SERGEF: variants seen among roughly 807,000 people sequenced by gnomAD.
The protein encoded by SERGEF is secretion-regulating guanine nucleotide exchange factor.
A neutral mutation model predicts 50.0 loss-of-function variants in SERGEF; 51 were observed. The ratio of observed to expected loss-of-function variants is 1.02; its 90% CI spans 0.81 to 1.29. The LOEUF is 1.29. SERGEF is among the 50% of genes most tolerant of loss of function. The pLI is 0.00. For synonymous variants in SERGEF, 205 were observed against 212.4 expected (o/e 0.97, Z 0.30); for missense variants, 521 against 557.0 (o/e 0.94, Z 0.65).
intron 10 of SERGEF, among the ~76,000 whole-genome samples, chr11:17,831,987 T>G (rs1850316509): frequency 6.6e-6 from 1 of 152,214 alleles, no homozygotes; most frequent in Non-Finnish European, 1.5e-5. Context: ...AGAGCATAGG[T>G]TTCATCACAG....
intron 10 of SERGEF, among the ~76,000 whole-genome samples, chr11:17,798,761 C>T (rs1463301863): frequency 1.3e-5 from 2 of 152,252 alleles, no homozygotes; most frequent in African/African-American, 2.4e-5. Flanking sequence ...GAGAAACTAA[C>T]CCTCTTGAGG....
chr11:17,946,871 A>G (rs1462258346), intron 9 of SERGEF, among the ~76,000 whole-genome samples: 1 of 152,188 alleles, frequency 6.6e-6, no homozygotes, highest in Non-Finnish European at 1.5e-5. Context: ...CAACCAATAC[A>G]GCTATCTCAT....
chr11:17,944,495 C>A (rs1427663759), intron 9 of SERGEF, among the ~76,000 whole-genome samples: 1 of 152,214 alleles, frequency 6.6e-6, no homozygotes, highest in Non-Finnish European at 1.5e-5. Context: ...TCTTTAGAAT[C>A]TTTCAACCTG....
At chr11:17,940,391 T>C (rs1852539057) in intron 9 of SERGEF, among the ~76,000 whole-genome samples, 1 of 152,152 alleles carries the variant, frequency 6.6e-6, no homozygotes, top group Non-Finnish European at 1.5e-5. Flanking sequence ...TGAGTTCCAG[T>C]GACCGCATCC....
chr11:17,843,011 CA>C (rs1175037522), intron 10 of SERGEF, among the ~76,000 whole-genome samples: 1 of 152,206 alleles, frequency 6.6e-6, no homozygotes, highest in Non-Finnish European at 1.5e-5. Flanking sequence ...ATCAAGCCTG[CA>C]TAAGGATCCC....
At chr11:17,934,847 C>T (rs571555257) in intron 9 of SERGEF, among the ~76,000 whole-genome samples, 34 of 152,318 alleles carry the variant, frequency 2.2e-4, no homozygotes, top group African/African-American at 7.7e-4. Context: ...CCTAATACCA[C>T]GTCACATCTT....
intron 9 of SERGEF, among the ~76,000 whole-genome samples, chr11:17,935,032 C>T (rs1914710): frequency 0.46 from 69,748 of 151,936 alleles, 17,838 homozygotes; most frequent in Middle Eastern, 0.64. Flanking sequence ...ACAAAGGAAA[C>T]CTGCCAGTAG....
In SERGEF at chr11:17,991,852, C is replaced by A. The variant is rs1418050662; in HGVS notation, c.685+1079G>T. Reference sequence around the variant, plus strand: ...CATTAATTTACATATATTATGGGCACACCTGAATTTCCACATAAAACACTA... The same window carrying A: ...CATTAATTTACATATATTATGGGCAAACCTGAATTTCCACATAAAACACTA... On this transcript the variant is annotated intron_variant, in intron 7 of 10. Transcript: ENST00000265965. The surrounding 1 kb of genome is among the most constrained non-coding windows in gnomAD (Gnocchi z 4.9). Among the ~76,000 whole-genome samples the A allele has an allele frequency of 6.6e-6, 1 of 152,208 alleles. No homozygotes were observed. The highest frequency in any genetic ancestry group is 1.5e-5 in the Non-Finnish European group (1 of 68,034).
intron 1 of SERGEF, 186 bp downstream of exon 1, chr11:18,012,765 A>ACCC: frequency 7.0e-7 from 1 of 1,432,252 alleles, no homozygotes; most frequent in South Asian, 1.3e-5. Flanking sequence ...GACCGCGAAG[A>ACCC]CCCTTCCTTC....
intron 8 of SERGEF, among the ~76,000 whole-genome samples, chr11:17,984,863 G>A (rs1454292313): frequency 2.0e-5 from 3 of 152,146 alleles, no homozygotes; most frequent in African/African-American, 4.8e-5. Context: ...GCCAGATGCT[G>A]GGGATATGGC....
intron 9 of SERGEF, among the ~76,000 whole-genome samples, chr11:17,945,204 G>A (rs769113902): frequency 5.3e-5 from 8 of 152,184 alleles, no homozygotes; most frequent in Non-Finnish European, 8.8e-5. Flanking sequence ...TCTATATGCC[G>A]CCTAGGTAGG....
intron 10 of SERGEF, among the ~76,000 whole-genome samples, chr11:17,850,461 C>T (rs150802054): frequency 6.6e-6 from 1 of 152,276 alleles, no homozygotes; most frequent in East Asian, 1.9e-4. Context: ...AAGACCCAGA[C>T]AGACATATGG....
intron 1 of SERGEF, among the ~76,000 whole-genome samples, chr11:18,011,996 CCAACA>C (rs1854206223): frequency 6.6e-6 from 1 of 152,192 alleles, no homozygotes; most frequent in African/African-American, 2.4e-5. Context: ...TTGCTCTCCC[CCAACA>C]CAAGAGCTGG....
chr11:17,915,776 T>C (rs1040471729), intron 9 of SERGEF, among the ~76,000 whole-genome samples: 2 of 152,216 alleles, frequency 1.3e-5, no homozygotes, highest in African/African-American at 4.8e-5. Flanking sequence ...TTGGTGAATT[T>C]CCAACTACAA....
chr11:18,004,474 T>C lies in SERGEF; in HGVS notation c.414A>G (p.Gly138=), dbSNP rs758366262. ...CCTGGGGAACCACACATCTTCGAGG[T>C]CCATGAGGAACTCCTAACTGGCCAA... is the stretch of plus-strand genomic sequence containing the variant. ...NSFGQLGVPH[G]PRRCVVPQAI... The change falls in exon 4 of 11, where the codon GGA becomes GGG. Residue 138 remains glycine, a synonymous_variant. Transcript: ENST00000265965. 6.2e-7 allele frequency: 1 copy of C among 1,613,934 alleles called. No homozygotes were observed. Among genetic ancestry groups the C allele is most frequent in the Non-Finnish European group, 8.5e-7 (1 of 1,179,914 alleles).
chr11:17,851,276 A>G (rs4402275), intron 10 of SERGEF, among the ~76,000 whole-genome samples: 24,992 of 152,216 alleles, frequency 0.16, 2,340 homozygotes, highest in Middle Eastern at 0.29. Context: ...ACCAGGTCAT[A>G]TAACTGTTAA....
At chr11:17,997,899 T>A (rs746617219) in intron 5 of SERGEF, among the ~76,000 whole-genome samples, 20 of 152,152 alleles carry the variant, frequency 1.3e-4, no homozygotes, top group Non-Finnish European at 2.4e-4. Context: ...GGAGTTATTG[T>A]TTAATGGGTA....
chr11:17,988,794 C>T, intron 7 of SERGEF, 39 bp from the exon 8 acceptor site: 1 of 1,584,846 alleles, frequency 6.3e-7, no homozygotes, highest in Non-Finnish European at 8.6e-7. Context: ...GGTGAGGGAA[C>T]ATTAGTCCAA....
Position 18,011,137 on chromosome 11 carries a change from TACACAC to T in SERGEF, c.60+1808_60+1813del, listed in dbSNP as rs57370560. Among the ~76,000 whole-genome samples, 58 of 147,636 alleles carry T rather than the reference TACACAC, an allele frequency of 3.9e-4. 1 individual carries two copies. Among genetic ancestry groups the T allele is most frequent in the Admixed American group, 9.5e-4 (14 of 14,792 alleles). On this transcript the variant is annotated intron_variant, in intron 1 of 10. Transcript: ENST00000265965. ...CATATCACACGTGCACATGCACACA[TACACAC>T]ACACACACACACACACACACACACC... is the stretch of plus-strand genomic sequence containing the variant.
Sources: allele counts gnomAD v4.1 joint callset (sites outside exome capture counted in the v4.1 genomes callset), GRCh38; gene constraint gnomAD v4.1.1; non-coding constraint Gnocchi (gnomAD v3.1); transcripts MANE v1.5; gene names NCBI Gene and HGNC (gene_info 2026-07-23, HGNC 2026-07-21).